The following TET1 variants were observed in gnomAD, a reference collection of about 807,000 sequenced individuals.
TET1 encodes the protein methylcytosine dioxygenase TET1.
In TET1, 13 loss-of-function variants were observed where a neutral mutation model predicts 148.7. The observed-to-expected ratio is 0.09, with a 90% confidence interval of 0.06 to 0.14. The LOEUF (loss-of-function observed/expected upper bound fraction) is 0.14. Among genes scored for constraint, TET1 ranks in the 10% least tolerant of loss-of-function variants. The pLI, the probability that TET1 is intolerant of heterozygous loss-of-function variation, is 1.00. For missense variants in TET1, 2,182 were observed against 2,553.8 expected, an observed-to-expected ratio of 0.85 and a Z score of 3.14; for synonymous variants, 907 against 937.2, an observed-to-expected ratio of 0.97 and a Z score of 0.59.
At chr10:68,586,740 T>C (rs531917538) in intron 2 of TET1, among the ~76,000 whole-genome samples, 2 of 152,220 alleles carry the variant, frequency 1.3e-5, no homozygotes, top group South Asian at 4.1e-4. Flanking sequence ...ATTTCCTATA[T>C]GGTAAACAGT....
chr10:68,675,723 G>T (rs1012646670), intron 8 of TET1, among the ~76,000 whole-genome samples: 3 of 151,754 alleles, frequency 2.0e-5, no homozygotes, highest in Non-Finnish European at 2.9e-5. Flanking sequence ...CTGTGGCCAG[G>T]CAGATTTTTA....
chr10:68,648,973 A>T (rs537547796), intron 4 of TET1, among the ~76,000 whole-genome samples: 9 of 152,318 alleles, frequency 5.9e-5, no homozygotes, highest in African/African-American at 1.7e-4. Context: ...TCTGAGAAGA[A>T]TCTCACAATT....
chr10:68,600,490 G>A (rs2054040824), intron 2 of TET1, among the ~76,000 whole-genome samples: 1 of 152,204 alleles, frequency 6.6e-6, no homozygotes, highest in African/African-American at 2.4e-5. Flanking sequence ...TGTCTAGGAA[G>A]GGCTAGGCTG....
In TET1 at chr10:68,643,025, AG is replaced by A. The variant is rs1216220487; in HGVS notation, c.1969-1671del. ...GTAACCCCAGTACTTTGGGAGGTCA[AG>A]GTGAGCAGACCACTTGAATCCAGGA... On this transcript the variant is annotated intron_variant, in intron 3 of 11. Coordinates refer to ENST00000373644, the MANE Select transcript of TET1 (RefSeq NM_030625.3). 2.6e-5 allele frequency among the ~76,000 whole-genome samples: 4 copies of A among 152,204 alleles called. No individual in the cohort carries two copies. In the East Asian group the frequency reaches 7.7e-4, roughly 29 times the overall value.
chr10:68,681,765 A>G (rs543537504), intron 9 of TET1, among the ~76,000 whole-genome samples: 8 of 152,176 alleles, frequency 5.3e-5, no homozygotes, highest in Non-Finnish European at 1.2e-4. Context: ...TCAGGAGTTC[A>G]AGAATAGCCT....
Position 68,691,393 on chromosome 10 carries a change from G to A in TET1, c.5990G>A (p.Ser1997Asn), listed in dbSNP as rs564186545. The change falls in exon 12 of 12, where the codon AGT (serine) becomes AAT (asparagine). Residue 1997 changes from serine (S) to asparagine (N), a missense_variant. By Grantham distance (46) the Ser-to-Asn change is conservative. Coordinates refer to ENST00000373644, the MANE Select transcript of TET1 (RefSeq NM_030625.3). The surrounding 1 kb of genome is among the most constrained non-coding windows in gnomAD (Gnocchi z 4.4). ...CACATTGATGAGTATTGGTCAGACA[G>A]TGAGCACATCTTTTTGGATGCAAAT... ...LPHIDEYWSD[S>N]EHIFLDANIG... 1.2e-6 allele frequency: 2 copies of A among 1,614,070 alleles called. No individual in the cohort carries two copies. The highest frequency in any genetic ancestry group is 1.3e-5 in the African/African-American group (1 of 74,924).
At chr10:68,652,474 A>C (rs763649079) in intron 5 of TET1, 27 bp from the exon 6 acceptor site, 11 of 1,533,138 alleles carry the variant, frequency 7.2e-6, no homozygotes, top group Non-Finnish European at 8.9e-6. Context: ...TAATTAGTAC[A>C]TTCCCTTCAC....
chr10:68,567,564 G>T (rs888550119), intron 1 of TET1, among the ~76,000 whole-genome samples: 1 of 151,838 alleles, frequency 6.6e-6, no homozygotes. Flanking sequence ...ATAGTGCTGG[G>T]ATTACAGGCA....
chr10:68,691,887 T>C lies in TET1; in HGVS notation c.*73T>C, dbSNP rs2055600141. 1.2e-5 allele frequency: 18 copies of C among 1,496,328 alleles called. No homozygotes were observed. The South Asian group carries it at 2.2e-4, about 18-fold the overall frequency. 92.7% of individuals were successfully genotyped at this position (1,496,328 alleles called of 1,614,324 possible). On this transcript the variant is annotated 3_prime_UTR_variant, in exon 12 of 12. Coordinates refer to ENST00000373644, the MANE Select transcript of TET1 (RefSeq NM_030625.3). This position sits in a 1 kb window ranked among gnomAD's most constrained non-coding sequence, Gnocchi z 4.4. ...TCAAGGTGCTGTTAAAAGAAAGTCATGTTGTCGTTTACTATCTTCATCTCA... is the reference window on the plus strand; with the variant it reads ...TCAAGGTGCTGTTAAAAGAAAGTCACGTTGTCGTTTACTATCTTCATCTCA...
chr10:68,564,882 G>T (rs1413443143), intron 1 of TET1, among the ~76,000 whole-genome samples: 2 of 152,088 alleles, frequency 1.3e-5, no homozygotes, highest in Admixed American at 6.6e-5. Flanking sequence ...ACTTAGCCAG[G>T]CATGGTGGCC....
chr10:68,573,991 C>A lies in TET1; in HGVS notation c.1653C>A (p.Thr551=), dbSNP rs1362082302. 6.2e-7 allele frequency: 1 copy of A among 1,614,128 alleles called. No homozygotes were observed. The highest frequency in any genetic ancestry group is 8.5e-7 in the Non-Finnish European group (1 of 1,180,020). Residue 551 remains threonine, a synonymous_variant, in exon 2 of 12, where the codon ACC becomes ACA. Coordinates refer to ENST00000373644, the MANE Select transcript of TET1 (RefSeq NM_030625.3). Reference sequence around the variant, plus strand: ...GAGGGAGCTCCCAGGTCAGTGTAACCAGCACAGTTCATGTTGTCAACACCA... The same window carrying A: ...GAGGGAGCTCCCAGGTCAGTGTAACAAGCACAGTTCATGTTGTCAACACCA... ...SDRGSSQVSV[T]STVHVVNTTV... is the part of the protein sequence containing the mutation.
At chr10:68,636,675 C>CCTGGCTCTAGTGAAGAGATT (rs2054654992) in intron 3 of TET1, among the ~76,000 whole-genome samples, 2 of 152,146 alleles carry the variant, frequency 1.3e-5, no homozygotes, top group African/African-American at 4.8e-5. Context: ...AGGAAAGAAG[C>CCTGGCTCTAGTGAAGAGATT]CTGGCTCTAG....
chr10:68,623,102 T>C (rs2054400248), intron 3 of TET1, among the ~76,000 whole-genome samples: 1 of 152,182 alleles, frequency 6.6e-6, no homozygotes, highest in African/African-American at 2.4e-5. Context: ...TATTAATATA[T>C]TGTGGGGAGA....
At chr10:68,599,212 A>G (rs771339756) in intron 2 of TET1, among the ~76,000 whole-genome samples, 18 of 152,220 alleles carry the variant, frequency 1.2e-4, no homozygotes, top group Non-Finnish European at 2.2e-4. Flanking sequence ...TTCTGAATCC[A>G]GCTGCAAGTG....
At chr10:68,627,480 C>T (rs1476550165) in intron 3 of TET1, among the ~76,000 whole-genome samples, 1 of 151,886 alleles carries the variant, frequency 6.6e-6, no homozygotes, top group Non-Finnish European at 1.5e-5. Flanking sequence ...CCTGTAATCC[C>T]AGCTACTCGG....
chr10:68,660,551 A>G (rs2055092946), intron 6 of TET1, among the ~76,000 whole-genome samples: 1 of 151,974 alleles, frequency 6.6e-6, no homozygotes, highest in Admixed American at 6.6e-5. Context: ...CATGTTGGCC[A>G]GGCTAGTCTC....
At chr10:68,623,800 G>A (rs1180977075) in intron 3 of TET1, among the ~76,000 whole-genome samples, 1 of 152,152 alleles carries the variant, frequency 6.6e-6, no homozygotes, top group African/African-American at 2.4e-5. Context: ...TCAATATACT[G>A]ATGCCTAAGT....
chr10:68,672,183 G>A (rs2055281014), intron 7 of TET1, among the ~76,000 whole-genome samples: 1 of 151,950 alleles, frequency 6.6e-6, no homozygotes, highest in Non-Finnish European at 1.5e-5. Context: ...AACAAATCCA[G>A]GATTTAAAAC....
intron 3 of TET1, among the ~76,000 whole-genome samples, chr10:68,621,187 G>T (rs1805210789): frequency 6.6e-6 from 1 of 152,164 alleles, no homozygotes; most frequent in Non-Finnish European, 1.5e-5. Context: ...TGTAATCCCA[G>T]CAATTTGGGA....
Sources: gnomAD v4.1 joint callset for allele counts (sites outside exome capture counted in the v4.1 genomes callset) on GRCh38, gnomAD v4.1.1 for gene constraint, Gnocchi (gnomAD v3.1) non-coding constraint, MANE v1.5 for transcripts, NCBI Gene and HGNC (gene_info 2026-07-23, HGNC 2026-07-21) for gene names.